The following SI variants were observed in gnomAD, a reference collection of about 807,000 sequenced individuals.
The protein encoded by SI is sucrase-isomaltase.
In SI, 235 loss-of-function variants were observed where a neutral mutation model predicts 253.3. The observed-to-expected ratio is 0.93, with a 90% CI of 0.83 to 1.03. The LOEUF is 1.03. Ranked by LOEUF, SI falls within the 50% of genes least tolerant of loss-of-function variation. SI has a pLI of 0.00. For synonymous variants in SI, 819 were observed against 712.0 expected (o/e 1.15, Z -2.39); for missense variants, 2,442 against 2,211.1 (o/e 1.10, Z -2.09).
chr3:165,046,601 T>C (rs566120087), intron 16 of SI, among the ~76,000 whole-genome samples: 1 of 152,222 alleles, frequency 6.6e-6, no homozygotes, highest in Non-Finnish European at 1.5e-5. Context: ...TATATTTATA[T>C]TTGTTTTCCT....
In SI at chr3:165,075,998, T is replaced by G; in HGVS notation, c.15A>C (p.Lys5Asn). The G allele has an allele frequency of 6.3e-7, 1 of 1,585,516 alleles. No homozygotes were observed. Among genetic ancestry groups the G allele is most frequent in the Non-Finnish European group, 8.6e-7 (1 of 1,159,266 alleles). The change falls in exon 2 of 48, where the codon AAA becomes AAC. Residue 5 changes from lysine to asparagine, a missense_variant. Transcript: ENST00000264382. MARK[K>N]FSGLEISLIV... ...TCAGAGAGATTTCCAATCCACTAAA[T>G]TTCTTTCTTGCCATCTAAAAACAGA...
chr3:165,016,034 A>G lies in SI; in HGVS notation c.3806T>C (p.Phe1269Ser). The stretch of plus-strand genomic sequence containing the variant: ...GTCCTGGAATGCTTCACCAATTGTA[A>G]AGTCTAGCTGCCTTTCCATGTAGTC... ...DIDYMERQLD[F>S]TIGEAFQDLP... The change falls in exon 32 of 48, where the codon TTT (phenylalanine) becomes TCT (serine). Residue 1269 changes from phenylalanine to serine, a missense_variant. By Grantham distance (155) the Phe-to-Ser change is radical. Transcript: ENST00000264382. 1 of 1,612,822 alleles carries G rather than the reference A, an allele frequency of 6.2e-7. No individual in the cohort carries two copies. The highest frequency in any genetic ancestry group is 8.5e-7 in the Non-Finnish European group (1 of 1,179,020).
intron 44 of SI, among the ~76,000 whole-genome samples, chr3:164,990,121 C>A (rs1717659924): frequency 1.3e-5 from 2 of 152,164 alleles, no homozygotes; most frequent in Non-Finnish European, 2.9e-5. Context: ...AAATGTGCTA[C>A]TTTTACGGGG....
intron 46 of SI, 69 bp from the exon 47 acceptor site, chr3:164,982,479 G>T: frequency 8.7e-7 from 1 of 1,153,210 alleles, no homozygotes. Flanking sequence ...TTAAAAATAT[G>T]TCGGTTAACC....
At chr3:165,089,904 A>G in the SI span, among the ~76,000 whole-genome samples, 1 of 152,134 alleles carries the variant, frequency 6.6e-6, no homozygotes, top group Non-Finnish European at 1.5e-5. Context: ...AGAGAGGCAC[A>G]GAGAGAAACA....
chr3:164,986,400 T>C (rs1181947270), intron 45 of SI, among the ~76,000 whole-genome samples: 1 of 152,212 alleles, frequency 6.6e-6, no homozygotes, highest in African/African-American at 2.4e-5. Flanking sequence ...GTTAACAACC[T>C]CCTTCCAGAG....
At chr3:165,052,570 T>A (rs1250257787) in intron 13 of SI, among the ~76,000 whole-genome samples, 3 of 151,970 alleles carry the variant, frequency 2.0e-5, no homozygotes, top group Non-Finnish European at 4.4e-5. Context: ...GCAGGGAGAA[T>A]CTTTTGAACC....
intron 37 of SI, among the ~76,000 whole-genome samples, chr3:165,001,285 C>T (rs1718244100): frequency 6.6e-6 from 1 of 151,272 alleles, no homozygotes; most frequent in African/African-American, 2.4e-5. Context: ...AAAGTTATTA[C>T]AGAATTGTTA....
At chr3:165,062,211 A>C (rs998721374) in intron 9 of SI, among the ~76,000 whole-genome samples, 160 bp downstream of exon 9, 1 of 150,960 alleles carries the variant, frequency 6.6e-6, no homozygotes, top group African/African-American at 2.4e-5. Flanking sequence ...GTATAGGGGA[A>C]AAAAAAAACA....
At chr3:165,004,948 C>T (rs573750851) in intron 37 of SI, among the ~76,000 whole-genome samples, 86 of 152,146 alleles carry the variant, frequency 5.7e-4, no homozygotes, top group Admixed American at 7.9e-4. Flanking sequence ...GTTTCCCCTA[C>T]GCTATTCTTG....
Position 165,015,845 on chromosome 3 carries a change from T to C in SI, c.3888+107A>G. The C allele has an allele frequency of 3.0e-6, 3 of 994,892 alleles. No individual in the cohort carries two copies. The African/African-American group carries it at 4.7e-5, about 16-fold the overall frequency. 61.6% of individuals were successfully genotyped at this position (994,892 alleles called of 1,614,324 possible). A position where few individuals can be genotyped will look rare whatever the true frequency, so the allele number is the denominator to read the frequency against. ...AGAGTTTTAGATTTGGGAGTGTTACTCAAAGTTATATACTTTCTATTTTGA... is the reference window on the plus strand; with the variant it reads ...AGAGTTTTAGATTTGGGAGTGTTACCCAAAGTTATATACTTTCTATTTTGA... On this transcript the variant is annotated intron_variant, in intron 32 of 47. Transcript: ENST00000264382.
chr3:165,032,607 G>T lies in SI; in HGVS notation c.2651C>A (p.Thr884Lys), dbSNP rs141329406. 3 of 1,608,346 alleles carry T rather than the reference G, an allele frequency of 1.9e-6. No homozygotes were observed. The highest frequency in any genetic ancestry group is 2.6e-6 in the Non-Finnish European group (3 of 1,176,116). ...AFQTVKILGLTDSVTEVRVAE... is the reference protein window; with the variant it reads ...AFQTVKILGLKDSVTEVRVAE... ...CACTCTAACTTCTGTAACACTGTCTGTCAACCCAAGGATTTTTACAGTCTG... is the reference window on the plus strand; with the variant it reads ...CACTCTAACTTCTGTAACACTGTCTTTCAACCCAAGGATTTTTACAGTCTG... Residue 884 changes from threonine (T) to lysine (K), a missense_variant, in exon 24 of 48, where the codon ACA (threonine) becomes AAA (lysine). Coordinates refer to ENST00000264382, the MANE Select transcript of SI (RefSeq NM_001041.4).
intron 20 of SI, 133 bp from the exon 21 acceptor site, chr3:165,038,157 C>A (rs2108214287): frequency 2.6e-6 from 2 of 763,724 alleles, no homozygotes; most frequent in East Asian, 2.8e-5. Flanking sequence ...TGTTTTCTAA[C>A]TTTAGGAGAA....
intron 26 of SI, among the ~76,000 whole-genome samples, chr3:165,022,881 A>C (rs1205073316): frequency 6.6e-6 from 1 of 151,532 alleles, no homozygotes; most frequent in Non-Finnish European, 1.5e-5. Context: ...AATATCGTTT[A>C]CTCTTATTTA....
Position 165,033,410 on chromosome 3 carries a change from T to C in SI, c.2550A>G (p.Thr850=), listed in dbSNP as rs767330004. The C allele has an allele frequency of 6.4e-7, 1 of 1,557,642 alleles. No individual in the cohort carries two copies. Among genetic ancestry groups the C allele is most frequent in the Non-Finnish European group, 8.7e-7 (1 of 1,148,296 alleles). Residue 850 remains threonine, a synonymous_variant, in exon 23 of 48, where the codon ACA becomes ACG. Transcript: ENST00000264382. The part of the protein sequence containing the change: ...TIQNGNYILY[T]FSVSNNTLDI... ...GAGTGCTTACATTAGAAACTGAAAA[T>C]GTATATAATATGTAGTTGCCATTTT...
chr3:164,993,521 T>C (rs1457741885), intron 41 of SI, among the ~76,000 whole-genome samples: 3 of 151,704 alleles, frequency 2.0e-5, no homozygotes, highest in Non-Finnish European at 4.4e-5. Flanking sequence ...TTATCAATAG[T>C]GAAATCTAAC....
rs529941864 is a variant in SI, at chr3:165,018,170, A to C, written c.3424-104T>G. On this transcript the variant is annotated intron_variant, in intron 28 of 47. Transcript: ENST00000264382. Reference sequence around the variant, plus strand: ...TTATACAATCGAGACTTGATATTTAAATTCCCGTTTCCCAACCTTAAACTA... The same window carrying C: ...TTATACAATCGAGACTTGATATTTACATTCCCGTTTCCCAACCTTAAACTA... 29 of 734,468 alleles carry C rather than the reference A, an allele frequency of 3.9e-5. No individual in the cohort carries two copies. In the East Asian group the frequency reaches 7.1e-4, roughly 18 times the overall value. The allele number at this position is 734,468 out of a possible 1,614,324, so 45.5% of individuals were successfully genotyped here.
chr3:165,034,912 G>C (rs1712449719), intron 22 of SI, among the ~76,000 whole-genome samples: 1 of 152,178 alleles, frequency 6.6e-6, no homozygotes, highest in African/African-American at 2.4e-5. Context: ...AGAGCTACAG[G>C]CCAGTTAGGA....
intron 3 of SI, among the ~76,000 whole-genome samples, chr3:165,073,118 C>A (rs994262478): frequency 6.6e-6 from 1 of 151,604 alleles, no homozygotes; most frequent in Non-Finnish European, 1.5e-5. Context: ...CCCTATAAGA[C>A]CTTCAAAACC....
Sources: allele counts gnomAD v4.1 joint callset (sites outside exome capture counted in the v4.1 genomes callset), GRCh38; gene constraint gnomAD v4.1.1; transcripts MANE v1.5; gene names NCBI Gene and HGNC (gene_info 2026-07-23, HGNC 2026-07-21).